Variants in CCDC3 observed in about 807,000 individuals in gnomAD.
The protein encoded by CCDC3 is coiled-coil domain-containing protein 3.
CCDC3 carries 24 observed loss-of-function variants against 21.4 expected under a neutral mutation model. The observed-to-expected ratio is 1.12, with a 90% CI of 0.81 to 1.58. CCDC3 has a LOEUF of 1.58. CCDC3 is among the 40% of genes most tolerant of loss of function. CCDC3 has a pLI of 0.00. For synonymous variants in CCDC3, 186 were observed against 166.0 expected, an observed-to-expected ratio of 1.12 and a Z score of -0.93; for missense variants, 425 against 360.9, an observed-to-expected ratio of 1.18 and a Z score of -1.44.
intron 2 of CCDC3, among the ~76,000 whole-genome samples, chr10:12,916,277 C>CAA (rs1304816598): frequency 6.6e-6 from 1 of 152,034 alleles, no homozygotes; most frequent in Admixed American, 6.5e-5. Context: ...ACTACAAATA[C>CAA]AAAAATTAGC....
chr10:13,031,551 A>T (rs910008984), intron 5 of CCDC3, among the ~76,000 whole-genome samples: 20 of 152,136 alleles, frequency 1.3e-4, no homozygotes, highest in African/African-American at 4.8e-4. Flanking sequence ...ATCAATAAAT[A>T]CAGGAGCTGG....
chr10:12,986,244 CAG>C (rs1194097764), intron 2 of CCDC3, among the ~76,000 whole-genome samples: 4 of 152,164 alleles, frequency 2.6e-5, no homozygotes, highest in Admixed American at 6.5e-5. Context: ...TAAACTTGCA[CAG>C]AGTTTTACAC....
intron 3 of CCDC3, among the ~76,000 whole-genome samples, chr10:13,094,287 T>TGATACTCACCCAGGCTGGAGTGCAATGGC (rs1329969326): frequency 5.0e-4 from 74 of 149,416 alleles, no homozygotes; most frequent in African/African-American, 1.7e-3. Flanking sequence ...ATGATGATGA[T>TGATACTCACCCAGGCTGGAGTGCAATGGC]GATGATACTC....
chr10:13,040,932 C>T (rs905390139), intron 5 of CCDC3, among the ~76,000 whole-genome samples: 1 of 152,130 alleles, frequency 6.6e-6, no homozygotes, highest in African/African-American at 2.4e-5. Flanking sequence ...TATAGATTTA[C>T]TCTTTTAAGA....
chr10:13,000,031 CAT>C lies in CCDC3; in HGVS notation c.374+1164_374+1165del, dbSNP rs1352736495. 2.0e-5 allele frequency among the ~76,000 whole-genome samples: 3 copies of C among 152,188 alleles called. 1 individual carries two copies. The highest frequency in any genetic ancestry group is 4.1e-4 in the South Asian group (2 of 4,828). On this transcript the variant is annotated intron_variant, in intron 1 of 2. Coordinates refer to ENST00000378825, the MANE Select transcript of CCDC3 (RefSeq NM_031455.4). ...GATATTCTGGCTTCAATATGGAAAA[CAT>C]GTGTTGCCATGCACTTACAAACACC...
At chr10:13,031,297 C>A (rs7094677) in intron 5 of CCDC3, among the ~76,000 whole-genome samples, 4 of 151,830 alleles carry the variant, frequency 2.6e-5, no homozygotes, top group South Asian at 4.1e-4. Context: ...TTGAAACCAA[C>A]GAGAACATAG....
At chr10:13,001,157 CAGAGAG>C (rs150639288) in intron 1 of CCDC3, 34 bp downstream of exon 1, 11 of 1,480,110 alleles carry the variant, frequency 7.4e-6, no homozygotes, top group African/African-American at 1.4e-5. Context: ...GGAGGTGGCG[CAGAGAG>C]AGAGAGAGGT....
At chr10:13,003,034 A>G (rs545453270), upstream of CCDC3, among the ~76,000 whole-genome samples, 106 of 152,326 alleles carry the variant, frequency 7.0e-4, 2 homozygotes, top group Middle Eastern at 6.8e-3. Flanking sequence ...ATACAGTCAC[A>G]TTAGGGAGTT....
At chr10:13,086,787 CT>C (rs879698586) in intron 3 of CCDC3, among the ~76,000 whole-genome samples, 1 of 152,186 alleles carries the variant, frequency 6.6e-6, no homozygotes, top group Admixed American at 6.6e-5. Context: ...GAATTCAATC[CT>C]AGTTTTCAAA....
chr10:13,012,990 T>C (rs577406751), intron 5 of CCDC3, among the ~76,000 whole-genome samples: 14 of 152,336 alleles, frequency 9.2e-5, no homozygotes, highest in African/African-American at 3.1e-4. Context: ...AATTTTTATA[T>C]TCAAAATTCA....
chr10:13,084,298 T>C (rs1837077071), intron 3 of CCDC3, among the ~76,000 whole-genome samples: 1 of 151,436 alleles, frequency 6.6e-6, no homozygotes, highest in Non-Finnish European at 1.5e-5. Context: ...TTTTTTTTTT[T>C]TTTTGAGACA....
At chr10:12,990,263 C>CG (rs770072082) in intron 2 of CCDC3, among the ~76,000 whole-genome samples, 1 of 99,800 alleles carries the variant, frequency 1.0e-5, no homozygotes, top group Non-Finnish European at 2.2e-5. Flanking sequence ...CCGTCTCAAC[C>CG]AAAAAAAAAA....
At chr10:12,907,509 G>A (rs548169916) in intron 2 of CCDC3, among the ~76,000 whole-genome samples, 1 of 152,276 alleles carries the variant, frequency 6.6e-6, no homozygotes, top group South Asian at 2.1e-4. Context: ...GCCAGGTGTG[G>A]TGGTGCACAC....
In CCDC3 at chr10:13,001,602, GCGGGGAGCC is replaced by G. The variant is rs1589036898; in HGVS notation, c.-41_-33del. 11 of 1,148,870 alleles carry G rather than the reference GCGGGGAGCC, an allele frequency of 9.6e-6. No homozygotes were observed. The highest frequency in any genetic ancestry group is 9.6e-5 in the Admixed American group (2 of 20,880). 71.2% of individuals were successfully genotyped at this position (1,148,870 alleles called of 1,614,324 possible). ...CCCTCCCGGGGCGCACGGGGCGGCG[GCGGGGAGCC>G]CGGGGAGCCCGCCGGCCCGGGAAGG... On this transcript the variant is annotated 5_prime_UTR_variant, in exon 1 of 3. Coordinates refer to ENST00000378825, the MANE Select transcript of CCDC3 (RefSeq NM_031455.4).
At chr10:12,993,358 G>C (rs1402083875) in intron 2 of CCDC3, among the ~76,000 whole-genome samples, 2 of 152,190 alleles carry the variant, frequency 1.3e-5, no homozygotes, top group Admixed American at 1.3e-4. Context: ...GGAAATGGCA[G>C]AGCCGATCAA....
intron 5 of CCDC3, among the ~76,000 whole-genome samples, chr10:13,019,990 C>T (rs2131404454): frequency 6.6e-6 from 1 of 152,170 alleles, no homozygotes; most frequent in South Asian, 2.1e-4. Flanking sequence ...GAGTGAAACT[C>T]CTTCTAAAAT....
At chr10:12,944,251 T>C (rs1236949043) in intron 2 of CCDC3, among the ~76,000 whole-genome samples, 1 of 152,234 alleles carries the variant, frequency 6.6e-6, no homozygotes, top group Non-Finnish European at 1.5e-5. Flanking sequence ...TGATACATTT[T>C]AGGGTCCAAG....
At chr10:12,930,978 A>G (rs1415249173) in intron 2 of CCDC3, among the ~76,000 whole-genome samples, 1 of 152,178 alleles carries the variant, frequency 6.6e-6, no homozygotes, top group African/African-American at 2.4e-5. Flanking sequence ...TGGGAGGCCG[A>G]GACGGGAGGA....
intron 4 of CCDC3, among the ~76,000 whole-genome samples, chr10:13,061,715 C>T (rs182390576): frequency 5.9e-5 from 9 of 152,214 alleles, no homozygotes; most frequent in Non-Finnish European, 1.0e-4. Context: ...TTTCTGGCTG[C>T]CAATTGGTTG....
Sources: allele counts gnomAD v4.1 joint callset (sites outside exome capture counted in the v4.1 genomes callset), GRCh38; gene constraint gnomAD v4.1.1; transcripts MANE v1.5; gene names NCBI Gene and HGNC (gene_info 2026-07-23, HGNC 2026-07-21).